Variants in GCLM observed in about 807,000 individuals in gnomAD.
GCLM encodes glutamate-cysteine ligase modifier subunit.
A neutral mutation model predicts 36.0 loss-of-function variants in GCLM; 15 were observed. The observed-to-expected ratio is 0.42, with a 90% CI of 0.28 to 0.64. GCLM has a LOEUF of 0.64. Ranked by LOEUF, GCLM falls within the 30% of genes least tolerant of loss-of-function variation. GCLM has a pLI of 0.25. For synonymous variants in GCLM, 129 were observed against 122.8 expected, an observed-to-expected ratio of 1.05 and a Z score of -0.34; for missense variants, 242 against 325.5, an observed-to-expected ratio of 0.74 and a Z score of 1.97.
At chr1:93,902,884 CA>C (rs1657014337) in intron 2 of GCLM, among the ~76,000 whole-genome samples, 1 of 151,980 alleles carries the variant, frequency 6.6e-6, no homozygotes, top group African/African-American at 2.4e-5. Flanking sequence ...ACTAGACTAG[CA>C]AAACTATAGT....
At chr1:93,893,470 TTAA>T (rs1656608783) in intron 6 of GCLM, among the ~76,000 whole-genome samples, 1 of 152,242 alleles carries the variant, frequency 6.6e-6, no homozygotes, top group Admixed American at 6.5e-5. Context: ...CATAGCATTC[TTAA>T]AATGAGCAAA....
At chr1:93,897,371 ATTCATTC>A (rs1256895596) in intron 4 of GCLM, among the ~76,000 whole-genome samples, 3 of 152,208 alleles carry the variant, frequency 2.0e-5, no homozygotes, top group Non-Finnish European at 4.4e-5. Context: ...TTAAATGATT[ATTCATTC>A]TAAAGTTACA....
intron 2 of GCLM, among the ~76,000 whole-genome samples, chr1:93,902,160 G>GT (rs760983712): frequency 2.6e-5 from 4 of 151,740 alleles, no homozygotes; most frequent in Non-Finnish European, 5.9e-5. Context: ...TAGTTTTTGG[G>GT]TTTTTTTGTT....
intron 2 of GCLM, among the ~76,000 whole-genome samples, chr1:93,902,429 C>T (rs539375652): frequency 2.8e-4 from 41 of 148,178 alleles, no homozygotes; most frequent in African/African-American, 9.6e-4. Flanking sequence ...CCGCCCACCT[C>T]GGCCTCCCAA....
intron 6 of GCLM, among the ~76,000 whole-genome samples, chr1:93,891,959 G>A (rs1001487104): frequency 6.6e-6 from 1 of 152,070 alleles, no homozygotes; most frequent in African/African-American, 2.4e-5. Context: ...AGAGAGGTTC[G>A]GTAAGTTGGC....
chr1:93,908,996 G>A (rs1190549799), intron 1 of GCLM, 42 bp downstream of exon 1: 4 of 1,408,884 alleles, frequency 2.8e-6, no homozygotes, highest in East Asian at 6.3e-5. Context: ...CCCCGCCCGA[G>A]GCCTGCCCCG....
At chr1:93,894,076 G>GGTGA (rs1241090218) in intron 6 of GCLM, among the ~76,000 whole-genome samples, 1 of 152,008 alleles carries the variant, frequency 6.6e-6, no homozygotes, top group Non-Finnish European at 1.5e-5. Context: ...TGGGTGACAT[G>GGTGA]GTGAAACCCT....
At position 93,888,965 on chromosome 1, in the gene GCLM, C is replaced by A; in HGVS notation, c.*25G>T. 6.8e-7 allele frequency: 1 copy of A among 1,477,990 alleles called. No individual in the cohort carries two copies. Among genetic ancestry groups the A allele is most frequent in the South Asian group, 1.3e-5 (1 of 75,030 alleles). 91.6% of individuals were successfully genotyped at this position (1,477,990 alleles called of 1,614,324 possible). A position where few individuals can be genotyped will look rare whatever the true frequency, so the allele number is the denominator to read the frequency against. ...TTTTCTCTCATATTGAAGGAAATTA[C>A]AGGTAAGTTATGCTCCTAAGTCAGT... On this transcript the variant is annotated 3_prime_UTR_variant, in exon 7 of 7. Transcript: ENST00000370238.
At position 93,897,897 on chromosome 1, in the gene GCLM, T is replaced by C. The variant is rs770880478; in HGVS notation, c.279A>G (p.Ala93=). 16 of 1,541,362 alleles carry C rather than the reference T, an allele frequency of 1.0e-5. No homozygotes were observed. The highest frequency in any genetic ancestry group is 1.3e-5 in the Non-Finnish European group (15 of 1,150,824). ...AGTTTGATTCTACAATGAACAGTTT[T>C]GCTGGGTAACAAAGAAAACAAAACT... ...PDEREEMKVS[A]KLFIVESNSS... Residue 93 remains alanine, a splice_region_variant and synonymous_variant, in exon 4 of 7, where the codon GCA becomes GCG. Coordinates refer to ENST00000370238, the MANE Select transcript of GCLM (RefSeq NM_002061.4).
In GCLM at chr1:93,896,817, C is replaced by A. The variant is rs1160034540; in HGVS notation, c.341G>T (p.Cys114Phe). 6.4e-7 allele frequency: 1 copy of A among 1,562,194 alleles called. No homozygotes were observed. The highest frequency in any genetic ancestry group is 8.8e-7 in the Non-Finnish European group (1 of 1,132,828). The change falls in exon 5 of 7, where the codon TGT becomes TTT. Residue 114 changes from cysteine (C) to phenylalanine (F), a missense_variant. Physicochemically the swap from Cys to Phe is radical, Grantham distance 205 (BLOSUM62 -2). Coordinates refer to ENST00000370238, the MANE Select transcript of GCLM (RefSeq NM_002061.4). ...CAGCTGTGCAACTCCAAGGACTGAA[C>A]AGGCTGATAGGAAGGAAGACACAAA... is the stretch of plus-strand genomic sequence containing the variant. ...SSTRSAVDMA[C>F]SVLGVAQLDS...
intron 5 of GCLM, among the ~76,000 whole-genome samples, chr1:93,895,626 G>A (rs17878271): frequency 0.063 from 9,540 of 152,166 alleles, 341 homozygotes; most frequent in South Asian, 0.093. Flanking sequence ...CTATCATCAA[G>A]GAGAAGGGGA....
chr1:93,905,615 A>T (rs950123317), intron 1 of GCLM, among the ~76,000 whole-genome samples: 6 of 152,132 alleles, frequency 3.9e-5, no homozygotes, highest in Non-Finnish European at 5.9e-5. Context: ...ACAAAAAAAA[A>T]TTTATACAAA....
chr1:93,888,875 G>T lies in GCLM; in HGVS notation c.*115C>A. 1.5e-6 allele frequency: 1 copy of T among 655,426 alleles called. No individual in the cohort carries two copies. The allele number at this position is 655,426 out of a possible 1,614,324, so 40.6% of individuals were successfully genotyped here. A position where few individuals can be genotyped will look rare whatever the true frequency, so the allele number is the denominator to read the frequency against. ...TGACAGACAACATACTGTCAAATATGACGAAAGAATATCTGCCTCAATGAC... is the reference window on the plus strand; with the variant it reads ...TGACAGACAACATACTGTCAAATATTACGAAAGAATATCTGCCTCAATGAC... On this transcript the variant is annotated 3_prime_UTR_variant, in exon 7 of 7. Coordinates refer to ENST00000370238, the MANE Select transcript of GCLM (RefSeq NM_002061.4).
In GCLM at chr1:93,901,661, T is replaced by G. The variant is rs770480293; in HGVS notation, c.201A>C (p.Pro67=). The change falls in exon 3 of 7, where the codon CCA becomes CCC. Residue 67 remains proline, a synonymous_variant. Coordinates refer to ENST00000370238, the MANE Select transcript of GCLM (RefSeq NM_002061.4). The part of the protein sequence containing the change: ...QINPDLVREF[P]DVLECTVSHA... ...GAGATACAGTGCATTCCAAGACATCTGGAAACTCCTATAATAAACACAATA... is the reference window on the plus strand; with the variant it reads ...GAGATACAGTGCATTCCAAGACATCGGGAAACTCCTATAATAAACACAATA... 121 of 1,480,000 alleles carry G rather than the reference T, an allele frequency of 8.2e-5. 1 individual carries two copies. The highest frequency in any genetic ancestry group is 1.1e-4 in the Non-Finnish European group (114 of 1,063,726). 91.7% of individuals were successfully genotyped at this position (1,480,000 alleles called of 1,614,324 possible). A position where few individuals can be genotyped will look rare whatever the true frequency, so the allele number is the denominator to read the frequency against.
intron 1 of GCLM, among the ~76,000 whole-genome samples, chr1:93,905,012 A>G (rs572157271): frequency 1.4e-3 from 212 of 152,058 alleles, no homozygotes; most frequent in African/African-American, 4.9e-3. Flanking sequence ...TGTCTCTACT[A>G]AAAATACAAA....
At chr1:93,905,320 G>A (rs1657109161) in intron 1 of GCLM, among the ~76,000 whole-genome samples, 1 of 151,972 alleles carries the variant, frequency 6.6e-6, no homozygotes, top group Non-Finnish European at 1.5e-5. Flanking sequence ...TAAATTATTA[G>A]AGAATAAGTG....
In GCLM at chr1:93,890,094, G is replaced by C. The variant is rs536528247; in HGVS notation, c.656-935C>G. On this transcript the variant is annotated intron_variant, in intron 6 of 6. Transcript: ENST00000370238. Reference sequence around the variant, plus strand: ...GCCTGGCTAATTTTATATTTTAGTAGAGATGGGGTTTCACCATGTTGGTCA... The same window carrying C: ...GCCTGGCTAATTTTATATTTTAGTACAGATGGGGTTTCACCATGTTGGTCA... Among the ~76,000 whole-genome samples, 6 of 151,950 alleles carry C rather than the reference G, an allele frequency of 3.9e-5. No individual in the cohort carries two copies. In the South Asian group the frequency reaches 1.2e-3, roughly 32 times the overall value.
intron 2 of GCLM, among the ~76,000 whole-genome samples, chr1:93,902,756 C>T (rs1657006452): frequency 6.6e-6 from 1 of 152,118 alleles, no homozygotes; most frequent in African/African-American, 2.4e-5. Context: ...AACATGTATC[C>T]ACCATTACAA....
chr1:93,895,740 G>A (rs892879146), intron 5 of GCLM, among the ~76,000 whole-genome samples: 33 of 152,262 alleles, frequency 2.2e-4, no homozygotes, highest in Non-Finnish European at 4.1e-4. Context: ...GAGAGTAAAG[G>A]TAAAACGCTA....
Sources: allele counts gnomAD v4.1 joint callset (sites outside exome capture counted in the v4.1 genomes callset), GRCh38; gene constraint gnomAD v4.1.1; transcripts MANE v1.5; gene names NCBI Gene and HGNC (gene_info 2026-07-23, HGNC 2026-07-21).